Variants in SESN2 observed in about 807,000 individuals in gnomAD.
SESN2 encodes the protein sestrin 2.
In SESN2, 42 loss-of-function variants were observed where a neutral mutation model predicts 56.0. The observed-to-expected ratio is 0.75, with a 90% CI of 0.59 to 0.97. The LOEUF is 0.97. Ranked by LOEUF, SESN2 falls within the 50% of genes least tolerant of loss-of-function variation. The probability of loss-of-function intolerance (pLI) is 0.00; values close to 1 mark genes in which losing one functional copy is unlikely to be tolerated. For synonymous variants in SESN2, 264 were observed against 267.1 expected, an observed-to-expected ratio of 0.99 and a Z score of 0.11; for missense variants, 507 against 649.4, an observed-to-expected ratio of 0.78 and a Z score of 2.38.
At chr1:28,259,962 C>T (rs1647311000) in intron 1 of SESN2, 25 bp downstream of exon 1, 1 of 1,485,336 alleles carries the variant, frequency 6.7e-7, no homozygotes, top group African/African-American at 1.5e-5. Flanking sequence ...CGCGACGCCC[C>T]TCTTCCCTGG....
intron 1 of SESN2, among the ~76,000 whole-genome samples, chr1:28,262,256 A>C (rs1647398329): frequency 6.6e-6 from 1 of 152,132 alleles, no homozygotes; most frequent in Non-Finnish European, 1.5e-5. Context: ...ACTTCACCAC[A>C]CACTCCCTTT....
Position 28,266,955 on chromosome 1 carries a change from C to T in SESN2, c.91-2228C>T, listed in dbSNP as rs1003135728. On this transcript the variant is annotated intron_variant, in intron 1 of 9. Coordinates refer to ENST00000253063, the MANE Select transcript of SESN2 (RefSeq NM_031459.5). The stretch of plus-strand genomic sequence containing the variant: ...CTTAGAGCTCCTTCTTTTGACAATT[C>T]CTGGGTCAGATTTTGGAGTGAGTTG... Among the ~76,000 whole-genome samples the T allele has an allele frequency of 5.9e-5, 9 of 152,288 alleles. No homozygotes were observed. The East Asian group carries it at 1.7e-3, about 29-fold the overall frequency.
intron 2 of SESN2, among the ~76,000 whole-genome samples, chr1:28,269,577 A>G (rs543762700): frequency 2.0e-5 from 3 of 152,144 alleles, no homozygotes; most frequent in Admixed American, 1.3e-4. Flanking sequence ...ATGACCATAC[A>G]TATATTACAC....
At chr1:28,263,915 A>G (rs550284499) in intron 1 of SESN2, among the ~76,000 whole-genome samples, 6 of 152,200 alleles carry the variant, frequency 3.9e-5, no homozygotes, top group East Asian at 3.9e-4. Context: ...AAAAGTTAAC[A>G]TATAGTAAGT....
intron 8 of SESN2, among the ~76,000 whole-genome samples, chr1:28,278,851 G>T (rs1370380617): frequency 6.6e-6 from 1 of 152,184 alleles, no homozygotes; most frequent in Non-Finnish European, 1.5e-5. Flanking sequence ...GATTCCACAT[G>T]GCACATAGTT....
rs2274848 is a variant in SESN2, at chr1:28,274,096, A to G, written c.958A>G (p.Thr320Ala). 2.6e-3 allele frequency: 4,252 copies of G among 1,613,998 alleles called. 177 individuals carry two copies. The East Asian group carries it at 0.082, about 31-fold the overall frequency. Residue 320 changes from threonine to alanine, a missense_variant, in exon 7 of 10, where the codon ACT (threonine) becomes GCT (alanine). Transcript: ENST00000253063. Reference sequence around the variant, plus strand: ...CATGCTGTGCTTTGTGGAAGACCCTACTTTCGGATATGAGGACTTCACTCG... The same window carrying G: ...CATGCTGTGCTTTGTGGAAGACCCTGCTTTCGGATATGAGGACTTCACTCG... The part of the protein sequence containing the change: ...PDMLCFVEDP[T>A]FGYEDFTRRG...
intron 1 of SESN2, among the ~76,000 whole-genome samples, chr1:28,267,873 C>T (rs1243965349): frequency 6.6e-6 from 1 of 152,164 alleles, no homozygotes; most frequent in Non-Finnish European, 1.5e-5. Flanking sequence ...TATGAATGAC[C>T]TGGCGCTGCT....
chr1:28,273,538 T>G, intron 6 of SESN2, 30 bp downstream of exon 6: 1 of 1,532,038 alleles, frequency 6.5e-7, no homozygotes, highest in East Asian at 2.3e-5. Context: ...CAGGCTCCCG[T>G]GGCTGCTCCT....
rs367797146 is a variant in SESN2, at chr1:28,274,916, A to G, written c.1112A>G (p.Tyr371Cys). 14 of 1,614,086 alleles carry G rather than the reference A, an allele frequency of 8.7e-6. No individual in the cohort carries two copies. Among genetic ancestry groups the G allele is most frequent in the Middle Eastern group, 1.6e-4 (1 of 6,084 alleles). ...QLLDEKFQAA[Y>C]SLTYNTIAMH... Reference sequence around the variant, plus strand: ...CTGGATGAGAAGTTCCAGGCAGCCTATAGCCTCACCTACAATACCATCGCC... The same window carrying G: ...CTGGATGAGAAGTTCCAGGCAGCCTGTAGCCTCACCTACAATACCATCGCC... Residue 371 changes from tyrosine to cysteine, a missense_variant, in exon 8 of 10, where the codon TAT (tyrosine) becomes TGT (cysteine). Physicochemically the swap from Tyr to Cys is radical, Grantham distance 194. Transcript: ENST00000253063.
chr1:28,270,435 C>T (rs890310083), intron 2 of SESN2, among the ~76,000 whole-genome samples: 1 of 151,942 alleles, frequency 6.6e-6, no homozygotes, highest in Non-Finnish European at 1.5e-5. Flanking sequence ...AAACATTTAC[C>T]CTCCTTCTAA....
chr1:28,273,693 C>T (rs1194672871), intron 6 of SESN2, among the ~76,000 whole-genome samples, 185 bp downstream of exon 6: 1 of 152,176 alleles, frequency 6.6e-6, no homozygotes, highest in East Asian at 1.9e-4. Flanking sequence ...TCCGGCTGTG[C>T]GACCACTGAC....
intron 8 of SESN2, among the ~76,000 whole-genome samples, chr1:28,275,622 G>A (rs1399005455): frequency 6.6e-6 from 1 of 152,008 alleles, no homozygotes; most frequent in Non-Finnish European, 1.5e-5. Flanking sequence ...TGTGGTGGTA[G>A]ACATTTGTAA....
Position 28,281,096 on chromosome 1 carries a change from G to T in SESN2, c.*294G>T. 1 of 326,050 alleles carries T rather than the reference G, an allele frequency of 3.1e-6. No homozygotes were observed. The highest frequency in any genetic ancestry group is 5.6e-6 in the Non-Finnish European group (1 of 177,002). The allele number at this position is 326,050 out of a possible 1,614,324, so 20.2% of individuals were successfully genotyped here. ...CAGAGGCAGAGGGCACAGGAAAGAA[G>T]CCGGGCCAAGCTCGGAATTAATGTG... On this transcript the variant is annotated 3_prime_UTR_variant, in exon 10 of 10. Coordinates refer to ENST00000253063, the MANE Select transcript of SESN2 (RefSeq NM_031459.5).
In SESN2 at chr1:28,276,570, C is replaced by CTTTTT. The variant is rs57474365; in HGVS notation, c.1211+1577_1211+1581dup. On this transcript the variant is annotated intron_variant, in intron 8 of 9. Transcript: ENST00000253063. The stretch of plus-strand genomic sequence containing the variant: ...TATCTCCTTCCTGTCTTTTTCTTTC[C>CTTTTT]TTTTTTTTTTTTTTTTTTTTTTTTT... 5.6e-4 allele frequency among the ~76,000 whole-genome samples: 53 copies of CTTTTT among 94,732 alleles called. 4 individuals are homozygous for CTTTTT. Among genetic ancestry groups the CTTTTT allele is most frequent in the African/African-American group, 2.2e-3 (47 of 21,578 alleles). 62.1% of individuals were successfully genotyped at this position (94,732 alleles called of 152,430 possible).
rs544182953 is a variant in SESN2 at position 28,262,681 on chromosome 1, C to T, written c.90+2744C>T. Among the ~76,000 whole-genome samples the T allele has an allele frequency of 4.7e-5, 7 of 147,782 alleles. No homozygotes were observed. In the South Asian group the frequency reaches 1.5e-3, roughly 31 times the overall value. On this transcript the variant is annotated intron_variant, in intron 1 of 9. Coordinates refer to ENST00000253063, the MANE Select transcript of SESN2 (RefSeq NM_031459.5). Reference sequence around the variant, plus strand: ...CGGTGGCTCGCACCTGTAATCCAAGCACTTTGGGAGGCCGAGGTAGGTGGA... The same window carrying T: ...CGGTGGCTCGCACCTGTAATCCAAGTACTTTGGGAGGCCGAGGTAGGTGGA...
Position 28,275,013 on chromosome 1 carries a change from C to T in SESN2, c.1209C>T (p.Ile403=). 1 of 1,610,760 alleles carries T rather than the reference C, an allele frequency of 6.2e-7. No individual in the cohort carries two copies. The highest frequency in any genetic ancestry group is 8.5e-7 in the Non-Finnish European group (1 of 1,177,354). The change falls in exon 8 of 10, where the codon ATC becomes ATT. Residue 403 remains isoleucine, a splice_region_variant and synonymous_variant. Coordinates refer to ENST00000253063, the MANE Select transcript of SESN2 (RefSeq NM_031459.5). ...ACTATATCCACTGCGTCTTTGGCAT[C>T]AGGTGAGCTCATATCCCTTCATTTG... is the stretch of plus-strand genomic sequence containing the variant. ...IWNYIHCVFG[I]RYDDYDYGEV...
chr1:28,270,576 CT>C lies in SESN2; in HGVS notation c.157-1086del, dbSNP rs1050379080. ...TATTTTTTCATTTATAAGTGACCAC[CT>C]TTTTTTTTTTTGAAACGAAGTTTTG... On this transcript the variant is annotated intron_variant, in intron 2 of 9. Transcript: ENST00000253063. Among the ~76,000 whole-genome samples the C allele has an allele frequency of 1.2e-3, 179 of 145,170 alleles. 1 individual carries two copies. Among genetic ancestry groups the C allele is most frequent in the Middle Eastern group, 3.5e-3 (1 of 282 alleles).
chr1:28,279,076 T>G, intron 8 of SESN2, 21 bp from the exon 9 acceptor site: 1 of 1,613,790 alleles, frequency 6.2e-7, no homozygotes, highest in Non-Finnish European at 8.5e-7. Context: ...TGAGTAATGC[T>G]GCTGGGACCT....
intron 8 of SESN2, among the ~76,000 whole-genome samples, chr1:28,275,649 G>A (rs1252856111): frequency 6.6e-6 from 1 of 152,106 alleles, no homozygotes; most frequent in East Asian, 1.9e-4. Context: ...CTACTCAAGA[G>A]GCTGAGGCAG....
Sources: allele counts gnomAD v4.1 joint callset (sites outside exome capture counted in the v4.1 genomes callset), GRCh38; gene constraint gnomAD v4.1.1; transcripts MANE v1.5; gene names NCBI Gene and HGNC (gene_info 2026-07-23, HGNC 2026-07-21).